The following ANAPC1 variants were observed in gnomAD, a reference collection of about 807,000 sequenced individuals.
ANAPC1 encodes anaphase-promoting complex subunit 1.
A neutral mutation model predicts 208.0 loss-of-function variants in ANAPC1; 36 were observed. The ratio of observed to expected loss-of-function variants is 0.17; its 90% confidence interval spans 0.13 to 0.23. The LOEUF is 0.23. Ranked by LOEUF, ANAPC1 falls within the 10% of genes least tolerant of loss-of-function variation. The pLI is 1.00. For missense variants in ANAPC1, 942 were observed against 2,011.6 expected, an observed-to-expected ratio of 0.47 and a Z score of 10.17; for synonymous variants, 378 against 695.2, an observed-to-expected ratio of 0.54 and a Z score of 7.18.
intron 24 of ANAPC1, among the ~76,000 whole-genome samples, chr2:111,823,982 A>G (rs1383529136): frequency 1.5e-5 from 2 of 129,168 alleles, no homozygotes; most frequent in African/African-American, 5.1e-5. Flanking sequence ...TAAGTATACC[A>G]TATTTCATAT....
At chr2:111,770,913 T>C (rs954751332) in intron 47 of ANAPC1, 6 of 152,306 alleles carry the variant, frequency 3.9e-5, no homozygotes, top group African/African-American at 1.5e-4. Flanking sequence ...TCTGTTTTTT[T>C]ATTATTATTA....
chr2:111,849,404 G>C (rs1344963960), intron 14 of ANAPC1, among the ~76,000 whole-genome samples: 6 of 152,084 alleles, frequency 3.9e-5, no homozygotes, highest in Non-Finnish European at 5.9e-5. Context: ...TTCTGCAAAT[G>C]TGCTGGTTTG....
rs767175360 is a variant in ANAPC1 at position 111,856,892 on chromosome 2, TAATAA to T, written c.1359-11_1359-7del. ...TCTCTTGAAACTTTACACAGCTAAA[TAATAA>T]AATAAAAAAGAAACTTGATACATGC... On this transcript the variant is annotated splice_polypyrimidine_tract_variant and splice_region_variant and intron_variant, in intron 11 of 47. Coordinates refer to ENST00000341068, the MANE Select transcript of ANAPC1 (RefSeq NM_022662.4). The T allele has an allele frequency of 1.3e-4, 211 of 1,609,404 alleles. 2 individuals are homozygous for T. In the South Asian group the frequency reaches 2.2e-3, roughly 17 times the overall value.
chr2:111,874,519 T>TACA (rs35588823), intron 3 of ANAPC1, among the ~76,000 whole-genome samples: 97,642 of 151,092 alleles, frequency 0.65, 31,640 homozygotes, highest in South Asian at 0.69. Flanking sequence ...AGTGAAACTG[T>TACA]ACATTTGTCC....
At chr2:111,878,550 T>C (rs991457354) in intron 3 of ANAPC1, among the ~76,000 whole-genome samples, 9 of 152,200 alleles carry the variant, frequency 5.9e-5, no homozygotes, top group African/African-American at 2.2e-4. Context: ...CAATAACAAA[T>C]TGAATTACAT....
At position 111,825,150 on chromosome 2, in the gene ANAPC1, C is replaced by T; in HGVS notation, c.2722G>A (p.Val908Ile). Residue 908 changes from valine (V) to isoleucine (I), a missense_variant, in exon 23 of 48, where the codon GTA (valine) becomes ATA (isoleucine). Transcript: ENST00000341068. ...RITIAPQKLQ[V>I]EQEENRFSFR... Reference sequence around the variant, plus strand: ...AGTCACCTGTTTTCCTCTTGTTCTACTTGCAACTTCTGGGGGGCTAAAAGG... The same window carrying T: ...AGTCACCTGTTTTCCTCTTGTTCTATTTGCAACTTCTGGGGGGCTAAAAGG... The T allele has an allele frequency of 1.2e-6, 2 of 1,613,676 alleles. No individual in the cohort carries two copies. The highest frequency in any genetic ancestry group is 1.7e-6 in the Non-Finnish European group (2 of 1,179,804).
intron 9 of ANAPC1, 68 bp downstream of exon 9, chr2:111,863,607 A>G: frequency 1.4e-6 from 2 of 1,475,484 alleles, no homozygotes; most frequent in South Asian, 2.5e-5. Flanking sequence ...AACAGCTGTC[A>G]ACAGAAATTC....
intron 1 of ANAPC1, among the ~76,000 whole-genome samples, chr2:111,882,393 T>C (rs1683350498): frequency 6.6e-6 from 1 of 152,042 alleles, no homozygotes; most frequent in African/African-American, 2.4e-5. Context: ...TGTAGTTCCT[T>C]TGCAGCTCCT....
intron 27 of ANAPC1, among the ~76,000 whole-genome samples, chr2:111,816,321 C>A (rs1679235176): frequency 6.7e-6 from 1 of 149,740 alleles, no homozygotes; most frequent in Non-Finnish European, 1.5e-5. Context: ...CAGGTCTTAC[C>A]TATATATGCC....
At chr2:111,839,345 C>G (rs1456072950) in intron 17 of ANAPC1, among the ~76,000 whole-genome samples, 1 of 152,216 alleles carries the variant, frequency 6.6e-6, no homozygotes, top group African/African-American at 2.4e-5. Flanking sequence ...AGCCTATCTT[C>G]TAACTAATAC....
At chr2:111,830,845 A>G (rs1354047515) in intron 21 of ANAPC1, among the ~76,000 whole-genome samples, 1 of 152,242 alleles carries the variant, frequency 6.6e-6, no homozygotes, top group Non-Finnish European at 1.5e-5. Flanking sequence ...TTCTTTAAAA[A>G]CAAAATATAA....
intron 29 of ANAPC1, among the ~76,000 whole-genome samples, chr2:111,806,793 C>G (rs1021680742): frequency 6.6e-6 from 1 of 152,196 alleles, no homozygotes; most frequent in Admixed American, 6.5e-5. Context: ...AACTCTAACA[C>G]TACCGTGTTG....
chr2:111,837,404 G>A lies in ANAPC1; in HGVS notation c.2115+1034C>T, dbSNP rs938890169. On this transcript the variant is annotated intron_variant, in intron 18 of 47. Coordinates refer to ENST00000341068, the MANE Select transcript of ANAPC1 (RefSeq NM_022662.4). ...TGGGAGGCCGAGGTGGGCAGATCACGAGGTCACGAGTTCAAGACCAGCCTG... is the reference window on the plus strand; with the variant it reads ...TGGGAGGCCGAGGTGGGCAGATCACAAGGTCACGAGTTCAAGACCAGCCTG... 5.0e-4 allele frequency among the ~76,000 whole-genome samples: 76 copies of A among 152,074 alleles called. 1 individual carries two copies. Among genetic ancestry groups the A allele is most frequent in the African/African-American group, 1.8e-3 (73 of 41,410 alleles).
intron 11 of ANAPC1, among the ~76,000 whole-genome samples, chr2:111,857,581 T>G (rs1681803271): frequency 1.3e-5 from 2 of 152,358 alleles, no homozygotes; most frequent in Admixed American, 6.5e-5. Flanking sequence ...CTTCATATTT[T>G]GCTGGTGGGA....
At chr2:111,792,863 G>C (rs1164064046) in intron 37 of ANAPC1, among the ~76,000 whole-genome samples, 5 of 152,214 alleles carry the variant, frequency 3.3e-5, no homozygotes, top group Non-Finnish European at 4.4e-5. Context: ...TGAGGCAGAA[G>C]AATGGCGTGA....
intron 6 of ANAPC1, among the ~76,000 whole-genome samples, chr2:111,871,896 G>C (rs1682768975): frequency 6.6e-6 from 1 of 152,158 alleles, no homozygotes; most frequent in Non-Finnish European, 1.5e-5. Flanking sequence ...TTTTGGAGGA[G>C]TCTATAGGGT....
At chr2:111,767,030 G>A (rs554004996), downstream of ANAPC1, 3 of 466,594 alleles carry the variant, frequency 6.4e-6, no homozygotes, top group East Asian at 2.1e-4. Context: ...AGCGTCTACT[G>A]GGGAAAGAAC....
At chr2:111,825,241 T>C (rs2104442010) in intron 22 of ANAPC1, 74 bp from the exon 23 acceptor site, 1 of 1,562,686 alleles carries the variant, frequency 6.4e-7, no homozygotes, top group South Asian at 1.2e-5. Flanking sequence ...GTAGAAAACA[T>C]TTGAAAATAA....
At position 111,868,411 on chromosome 2, in the gene ANAPC1, T is replaced by TAAA. The variant is rs1682553260; in HGVS notation, c.612-316_612-315insTTT. On this transcript the variant is annotated intron_variant, in intron 6 of 47. Coordinates refer to ENST00000341068, the MANE Select transcript of ANAPC1 (RefSeq NM_022662.4). ...TGTGCATAAAGCGGTCTTTTTTTAT[T>TAAA]GACCTCTCTTACTGGCAGTGTGTCT... 9.2e-5 allele frequency among the ~76,000 whole-genome samples: 14 copies of TAAA among 152,252 alleles called. 1 individual carries two copies. Among genetic ancestry groups the TAAA allele is most frequent in the Middle Eastern group, 6.3e-3 (2 of 316 alleles).
Sources: allele counts gnomAD v4.1 joint callset (sites outside exome capture counted in the v4.1 genomes callset), GRCh38; gene constraint gnomAD v4.1.1; transcripts MANE v1.5; gene names NCBI Gene and HGNC (gene_info 2026-07-23, HGNC 2026-07-21).